The following NUGGC variants were observed in gnomAD, a reference collection of about 807,000 sequenced individuals.
NUGGC encodes nuclear GTPase, germinal center associated, also known as nuclear GTPase SLIP-GC.
A neutral mutation model predicts 92.6 loss-of-function variants in NUGGC; 58 were observed. The observed-to-expected ratio is 0.63, with a 90% confidence interval of 0.51 to 0.78. The LOEUF is 0.78. NUGGC is among the 30% of genes least tolerant of loss of function. NUGGC has a pLI of 0.00. For synonymous variants in NUGGC, 376 were observed against 366.4 expected, an observed-to-expected ratio of 1.03 and a Z score of -0.30; for missense variants, 925 against 964.6, an observed-to-expected ratio of 0.96 and a Z score of 0.54.
intron 7 of NUGGC, among the ~76,000 whole-genome samples, chr8:28,063,152 C>T (rs1334123608): frequency 6.6e-6 from 1 of 152,146 alleles, no homozygotes; most frequent in Non-Finnish European, 1.5e-5. Flanking sequence ...GCAACTGTGT[C>T]GTTCTCCCTG....
At chr8:28,029,696 C>A (rs1809364527) in intron 16 of NUGGC, among the ~76,000 whole-genome samples, 1 of 152,072 alleles carries the variant, frequency 6.6e-6, no homozygotes, top group Non-Finnish European at 1.5e-5. Flanking sequence ...TTGGAGTGAG[C>A]TGAGATCGCT....
At chr8:28,041,244 G>T (rs150504368) in intron 12 of NUGGC, 29 bp from the exon 13 acceptor site, 11 of 1,589,896 alleles carry the variant, frequency 6.9e-6, no homozygotes, top group Non-Finnish European at 8.6e-6. Flanking sequence ...AAAGAATCAG[G>T]CCACCCCCTC....
chr8:28,023,337 G>T lies in NUGGC; in HGVS notation c.2371C>A (p.Pro791Thr), dbSNP rs201330243. 14 of 1,613,576 alleles carry T rather than the reference G, an allele frequency of 8.7e-6. No individual in the cohort carries two copies. In the East Asian group the frequency reaches 2.7e-4, roughly 31 times the overall value. Residue 791 changes from proline (P) to threonine (T), a missense_variant, in exon 19 of 19, where the codon CCC becomes ACC. Pro to Thr is a conservative substitution (Grantham distance 38). Transcript: ENST00000413272. Reference sequence around the variant, plus strand: ...AGGAGTTACAGTGATGTCCCGGGGGGGCCAGCCTTGCTGGGGGATGCCCTT... The same window carrying T: ...AGGAGTTACAGTGATGTCCCGGGGGTGCCAGCCTTGCTGGGGGATGCCCTT... ...LLRASPSKAG[P>T]PGTSL
intron 18 of NUGGC, among the ~76,000 whole-genome samples, chr8:28,024,463 A>AT (rs1455469940): frequency 1.2e-4 from 18 of 151,932 alleles, no homozygotes; most frequent in African/African-American, 4.1e-4. Context: ...CCTGCATCAG[A>AT]TTTTGGGCTC....
chr8:28,054,188 A>G lies in NUGGC; in HGVS notation c.1206+1777T>C, dbSNP rs7011664. 8.1e-3 allele frequency among the ~76,000 whole-genome samples: 1,236 copies of G among 152,286 alleles called. 21 individuals are homozygous for G. Among genetic ancestry groups the G allele is most frequent in the African/African-American group, 0.029 (1,206 of 41,558 alleles). Reference sequence around the variant, plus strand: ...CTTGGTTTTAGTTTTATAGTTGTACAAGACTATTATAGGCCAGACGTGGTG... The same window carrying G: ...CTTGGTTTTAGTTTTATAGTTGTACGAGACTATTATAGGCCAGACGTGGTG... On this transcript the variant is annotated intron_variant, in intron 10 of 18. Coordinates refer to ENST00000413272, the MANE Select transcript of NUGGC (RefSeq NM_001010906.2).
chr8:28,068,904 T>G (rs1810516536), intron 4 of NUGGC, among the ~76,000 whole-genome samples: 1 of 152,088 alleles, frequency 6.6e-6, no homozygotes, highest in Admixed American at 6.6e-5. Flanking sequence ...GCCTGGCTAA[T>G]TTTTTTGTAT....
At chr8:28,065,333 T>C (rs1266143859) in intron 6 of NUGGC, among the ~76,000 whole-genome samples, 2 of 152,106 alleles carry the variant, frequency 1.3e-5, no homozygotes, top group Non-Finnish European at 2.9e-5. Flanking sequence ...TAATTTTTGT[T>C]GTATTTTTAG....
chr8:28,060,370 C>T, intron 8 of NUGGC, 56 bp downstream of exon 8: 1 of 1,506,468 alleles, frequency 6.6e-7, no homozygotes, highest in East Asian at 2.3e-5. Flanking sequence ...GTAGTCAGGA[C>T]CCACAGAGGA....
intron 17 of NUGGC, among the ~76,000 whole-genome samples, chr8:28,028,492 A>G (rs1809326555): frequency 6.6e-6 from 1 of 152,232 alleles, no homozygotes; most frequent in African/African-American, 2.4e-5. Context: ...AGATAGCAAT[A>G]GGCCAGCTTC....
At chr8:28,045,684 T>C (rs1809814607) in intron 11 of NUGGC, 24 bp from the exon 12 acceptor site, 4 of 1,603,780 alleles carry the variant, frequency 2.5e-6, no homozygotes, top group South Asian at 2.3e-5. Flanking sequence ...GCAGCACAAA[T>C]AATTGTTAAA....
chr8:28,039,004 A>T (rs967035208), intron 13 of NUGGC, among the ~76,000 whole-genome samples: 3 of 152,158 alleles, frequency 2.0e-5, no homozygotes, highest in Middle Eastern at 3.2e-3. Flanking sequence ...ACGCATGCGT[A>T]CATACTACAC....
chr8:28,050,396 AAAAGG>A (rs1448715906), intron 10 of NUGGC, among the ~76,000 whole-genome samples: 1 of 152,150 alleles, frequency 6.6e-6, no homozygotes, highest in Non-Finnish European at 1.5e-5. Flanking sequence ...AAAAAAAGAA[AAAAGG>A]AAAGGAAAAG....
rs565666086 is a variant in NUGGC at position 28,081,041 on chromosome 8, A to T, written c.-47+2734T>A. On this transcript the variant is annotated intron_variant, in intron 1 of 18. Coordinates refer to ENST00000413272, the MANE Select transcript of NUGGC (RefSeq NM_001010906.2). ...TACCTGTATCAAGAATTCATTGGCCAGGCATGGTGGCTCATGCCTGTAATT... is the reference window on the plus strand; with the variant it reads ...TACCTGTATCAAGAATTCATTGGCCTGGCATGGTGGCTCATGCCTGTAATT... 2.0e-5 allele frequency among the ~76,000 whole-genome samples: 3 copies of T among 152,136 alleles called. No individual in the cohort carries two copies. In the South Asian group the frequency reaches 6.2e-4, roughly 32 times the overall value.
At chr8:28,040,467 AG>A (rs1809664634) in intron 13 of NUGGC, among the ~76,000 whole-genome samples, 1 of 152,158 alleles carries the variant, frequency 6.6e-6, no homozygotes, top group Non-Finnish European at 1.5e-5. Context: ...CGGGGCTACA[AG>A]GTGGATGTTT....
intron 10 of NUGGC, 53 bp downstream of exon 10, chr8:28,055,912 A>G: frequency 9.7e-7 from 1 of 1,033,904 alleles, no homozygotes. Flanking sequence ...TTTGTCTCCC[A>G]AAATCTAGTT....
At chr8:28,034,508 C>T (rs1224481582) in intron 13 of NUGGC, among the ~76,000 whole-genome samples, 1 of 152,146 alleles carries the variant, frequency 6.6e-6, no homozygotes. Context: ...ATGAGAATAT[C>T]CCCAAATCAT....
chr8:28,060,743 C>T, intron 7 of NUGGC, 142 bp from the exon 8 acceptor site: 1 of 658,604 alleles, frequency 1.5e-6, no homozygotes. Flanking sequence ...ACTAGCTGGA[C>T]TGAGCTATGA....
At chr8:28,060,270 C>T (rs771435328) in intron 8 of NUGGC, 156 bp downstream of exon 8, 4 of 783,198 alleles carry the variant, frequency 5.1e-6, no homozygotes, top group East Asian at 2.7e-5. Context: ...GTCCTGATGT[C>T]CCAGGAAGTC....
intron 1 of NUGGC, among the ~76,000 whole-genome samples, chr8:28,080,619 T>C (rs1471309704): frequency 1.3e-5 from 2 of 152,320 alleles, no homozygotes; most frequent in East Asian, 1.9e-4. Context: ...TGAATGATGA[T>C]AGATATAATT....
Sources: allele counts gnomAD v4.1 joint callset (sites outside exome capture counted in the v4.1 genomes callset), GRCh38; gene constraint gnomAD v4.1.1; transcripts MANE v1.5; gene names NCBI Gene and HGNC (gene_info 2026-07-23, HGNC 2026-07-21).